Variants in CSMD1 observed in about 807,000 individuals in gnomAD.
CSMD1 encodes CUB and sushi domain-containing protein 1.
A neutral mutation model predicts 417.5 loss-of-function variants in CSMD1; 213 were observed. The observed-to-expected ratio is 0.51, with a 90% confidence interval of 0.46 to 0.57. CSMD1 has a LOEUF of 0.57. Ranked by LOEUF, CSMD1 falls within the 20% of genes least tolerant of loss-of-function variation. The pLI, the probability that CSMD1 is intolerant of heterozygous loss-of-function variation, is 0.00. For synonymous variants in CSMD1, 2,862 were observed against 1,736.8 expected, an observed-to-expected ratio of 1.65 and a Z score of -16.11; for missense variants, 6,923 against 4,529.7, an observed-to-expected ratio of 1.53 and a Z score of -15.17.
chr8:3,463,914 C>T (rs77834939), intron 12 of CSMD1, among the ~76,000 whole-genome samples: 6,372 of 152,260 alleles, frequency 0.042, 196 homozygotes, highest in East Asian at 0.15. Context: ...GACCCTTGGC[C>T]ACAGACTGAG....
chr8:3,241,650 G>A (rs1008873360), intron 26 of CSMD1, among the ~76,000 whole-genome samples: 1 of 152,146 alleles, frequency 6.6e-6, no homozygotes, highest in African/African-American at 2.4e-5. Flanking sequence ...GGCATTCCTT[G>A]GCCTGGTGGC....
chr8:3,945,254 G>A (rs924488169), intron 5 of CSMD1, among the ~76,000 whole-genome samples: 1 of 149,044 alleles, frequency 6.7e-6, no homozygotes, highest in Non-Finnish European at 1.5e-5. Flanking sequence ...ATTAATATAA[G>A]CTGAACAATA....
At chr8:3,876,429 G>A (rs1326287840) in intron 5 of CSMD1, among the ~76,000 whole-genome samples, 2 of 152,168 alleles carry the variant, frequency 1.3e-5, no homozygotes, top group Non-Finnish European at 2.9e-5. Context: ...GAAGCCTGGA[G>A]ACACCATTCT....
chr8:3,427,154 A>G (rs1200230817), intron 12 of CSMD1, among the ~76,000 whole-genome samples: 1 of 152,164 alleles, frequency 6.6e-6, no homozygotes, highest in Non-Finnish European at 1.5e-5. Flanking sequence ...GATCATAGGG[A>G]CTAAAAATCA....
In CSMD1 at chr8:3,299,278, C is replaced by T. The variant is rs181905116; in HGVS notation, c.3950+8417G>A. Among the ~76,000 whole-genome samples, 211 of 152,056 alleles carry T rather than the reference C, an allele frequency of 1.4e-3. 1 individual carries two copies. Among genetic ancestry groups the T allele is most frequent in the African/African-American group, 4.9e-3 (204 of 41,468 alleles). On this transcript the variant is annotated intron_variant, in intron 25 of 69. Transcript: ENST00000635120. ...ACCAGCCTGGCCAATATGGGGAAACCCTGTCTCTACTAAAAATATAAAAAT... is the reference window on the plus strand; with the variant it reads ...ACCAGCCTGGCCAATATGGGGAAACTCTGTCTCTACTAAAAATATAAAAAT...
chr8:3,371,602 A>C (rs943716099), intron 18 of CSMD1, among the ~76,000 whole-genome samples: 1 of 152,080 alleles, frequency 6.6e-6, no homozygotes, highest in African/African-American at 2.4e-5. Context: ...AATTAGTATG[A>C]TCATTCTGAA....
intron 2 of CSMD1, among the ~76,000 whole-genome samples, chr8:4,581,504 T>G (rs1799416868): frequency 6.6e-6 from 1 of 152,186 alleles, no homozygotes; most frequent in Non-Finnish European, 1.5e-5. Flanking sequence ...AGAAAAAGGG[T>G]TTGAGAAGCA....
chr8:3,801,952 CTGA>C (rs1800481432), intron 5 of CSMD1, among the ~76,000 whole-genome samples: 1 of 152,106 alleles, frequency 6.6e-6, no homozygotes, highest in Non-Finnish European at 1.5e-5. Context: ...CAGAAAATGA[CTGA>C]TAATAGGTAC....
At chr8:4,302,975 G>T (rs1200382403) in intron 3 of CSMD1, among the ~76,000 whole-genome samples, 1 of 151,946 alleles carries the variant, frequency 6.6e-6, no homozygotes, top group Non-Finnish European at 1.5e-5. Context: ...CAGAAGTTCA[G>T]CCCTCTGTAT....
chr8:4,450,718 G>T lies in CSMD1; in HGVS notation c.303-30653C>A, dbSNP rs181696376. Among the ~76,000 whole-genome samples, 9 of 152,128 alleles carry T rather than the reference G, an allele frequency of 5.9e-5. No homozygotes were observed. The South Asian group carries it at 1.9e-3, about 32-fold the overall frequency. On this transcript the variant is annotated intron_variant, in intron 2 of 69. Coordinates refer to ENST00000635120, the MANE Select transcript of CSMD1 (RefSeq NM_033225.6). ...AACACATCACAGAGTTTTAATAAAT[G>T]TCAAACATTTAACAGAATAGCAACA...
intron 3 of CSMD1, among the ~76,000 whole-genome samples, chr8:4,250,431 G>A (rs1029242579): frequency 6.6e-6 from 1 of 152,042 alleles, no homozygotes; most frequent in African/African-American, 2.4e-5. Context: ...ACTGCTCCCT[G>A]GGGAACATGC....
chr8:3,565,405 T>C (rs751129403), intron 10 of CSMD1, among the ~76,000 whole-genome samples: 8 of 152,142 alleles, frequency 5.3e-5, no homozygotes, highest in Non-Finnish European at 1.0e-4. Context: ...TTCGGTGTTA[T>C]AGGAAAGGGT....
At chr8:4,043,357 G>C (rs1487845257) in intron 3 of CSMD1, among the ~76,000 whole-genome samples, 1 of 152,114 alleles carries the variant, frequency 6.6e-6, no homozygotes, top group Non-Finnish European at 1.5e-5. Context: ...AAAGCAAACT[G>C]CAAGGTGGTA....
chr8:4,120,412 T>C (rs1262138971), intron 3 of CSMD1, among the ~76,000 whole-genome samples: 1 of 152,284 alleles, frequency 6.6e-6, no homozygotes, highest in East Asian at 1.9e-4. Context: ...CATCCAATTG[T>C]TTGTTGAGTT....
chr8:3,673,460 T>C (rs1364770438), intron 7 of CSMD1, among the ~76,000 whole-genome samples: 1 of 152,218 alleles, frequency 6.6e-6, no homozygotes, highest in Non-Finnish European at 1.5e-5. Flanking sequence ...CCCTGACTTA[T>C]GACAAGCAAG....
At position 2,966,700 on chromosome 8, in the gene CSMD1, G is replaced by C. The variant is rs769880635; in HGVS notation, c.8970C>G (p.Val2990=). The C allele has an allele frequency of 1.4e-5, 23 of 1,613,800 alleles. No homozygotes were observed. Among genetic ancestry groups the C allele is most frequent in the East Asian group, 2.2e-5 (1 of 44,842 alleles). ...TGGAGAACAGAATGCCATCACTACTGACAATCATTCCGTTGGTGGGTGTGC... is the reference window on the plus strand; with the variant it reads ...TGGAGAACAGAATGCCATCACTACTCACAATCATTCCGTTGGTGGGTGTGC... ...NPGTPTNGMI[V]SSDGILFSSS... The change falls in exon 58 of 70, where the codon GTC becomes GTG. Residue 2990 remains valine (V), a synonymous_variant. Transcript: ENST00000635120.
At chr8:3,957,688 A>G (rs1455515289) in intron 5 of CSMD1, among the ~76,000 whole-genome samples, 1 of 149,880 alleles carries the variant, frequency 6.7e-6, no homozygotes, top group Non-Finnish European at 1.5e-5. Context: ...ACCATGTCGG[A>G]AAAAAAAGAA....
At chr8:4,190,814 T>A (rs1036697276) in intron 3 of CSMD1, among the ~76,000 whole-genome samples, 1 of 152,078 alleles carries the variant, frequency 6.6e-6, no homozygotes, top group Non-Finnish European at 1.5e-5. Flanking sequence ...TGGATGGAGC[T>A]GGGGGCCATT....
chr8:4,042,210 A>G (rs1018173848), intron 3 of CSMD1, among the ~76,000 whole-genome samples: 1 of 152,220 alleles, frequency 6.6e-6, no homozygotes, highest in African/African-American at 2.4e-5. Context: ...AAGAACATGA[A>G]GAGCACCATA....
Sources: gnomAD v4.1 joint callset for allele counts (sites outside exome capture counted in the v4.1 genomes callset) on GRCh38, gnomAD v4.1.1 for gene constraint, MANE v1.5 for transcripts, NCBI Gene and HGNC (gene_info 2026-07-23, HGNC 2026-07-21) for gene names.